The following EYS variants were observed in gnomAD, a reference collection of about 807,000 sequenced individuals.
The protein encoded by EYS is EGF-like photoreceptor maintenance factor.
EYS carries 250 observed loss-of-function variants against 282.1 expected under a neutral mutation model. The observed-to-expected ratio is 0.89, with a 90% CI of 0.80 to 0.98. The LOEUF is 0.98. Among genes scored for constraint, EYS ranks in the 50% least tolerant of loss-of-function variants. EYS has a pLI of 0.00. For missense variants in EYS, 4,016 were observed against 3,709.0 expected (o/e 1.08, Z -2.15); for synonymous variants, 1,355 against 1,282.9 (o/e 1.06, Z -1.20).
chr6:64,194,093 C>T (rs1002767378), intron 31 of EYS, among the ~76,000 whole-genome samples: 6 of 151,984 alleles, frequency 3.9e-5, no homozygotes, highest in African/African-American at 7.3e-5. Flanking sequence ...AGGATAGTCT[C>T]GACCTTCTGA....
chr6:64,998,593 A>G (rs2150126328), intron 13 of EYS, among the ~76,000 whole-genome samples: 1 of 152,330 alleles, frequency 6.6e-6, no homozygotes, highest in South Asian at 2.1e-4. Flanking sequence ...AACAAGAGAC[A>G]AGTGAAATAC....
intron 12 of EYS, among the ~76,000 whole-genome samples, chr6:65,237,417 G>A (rs1307348870): frequency 6.6e-6 from 1 of 152,126 alleles, no homozygotes; most frequent in East Asian, 1.9e-4. Flanking sequence ...ATAACTGAAT[G>A]CAGATTTCCA....
At chr6:63,867,350 C>A (rs1581912314) in intron 35 of EYS, among the ~76,000 whole-genome samples, 1 of 152,226 alleles carries the variant, frequency 6.6e-6, no homozygotes, top group South Asian at 2.1e-4. Flanking sequence ...TTATCCTTCA[C>A]AAGACCTGTA....
intron 7 of EYS, among the ~76,000 whole-genome samples, chr6:65,397,455 A>C (rs1294808066): frequency 1.3e-5 from 2 of 152,014 alleles, no homozygotes; most frequent in African/African-American, 4.8e-5. Flanking sequence ...TTCCACTTAT[A>C]AGTGAAAAGA....
At chr6:65,597,050 T>C (rs576577467) in intron 2 of EYS, among the ~76,000 whole-genome samples, 5 of 152,218 alleles carry the variant, frequency 3.3e-5, no homozygotes, top group African/African-American at 1.2e-4. Context: ...AACATACTAA[T>C]GCATATGAAC....
At chr6:64,809,116 G>T (rs952718690) in intron 22 of EYS, among the ~76,000 whole-genome samples, 3 of 151,976 alleles carry the variant, frequency 2.0e-5, no homozygotes, top group African/African-American at 7.2e-5. Flanking sequence ...CAATAAACAA[G>T]AGTCTGGCAA....
intron 13 of EYS, among the ~76,000 whole-genome samples, chr6:65,047,222 C>T (rs1773131835): frequency 6.6e-6 from 1 of 151,656 alleles, no homozygotes; most frequent in Non-Finnish European, 1.5e-5. Flanking sequence ...TATAACCATA[C>T]CTCCAAATTC....
chr6:65,469,645 G>T (rs1181898860), intron 5 of EYS, among the ~76,000 whole-genome samples: 1 of 151,406 alleles, frequency 6.6e-6, no homozygotes, highest in Non-Finnish European at 1.5e-5. Context: ...TTATTTTCTT[G>T]AAAATTTGTA....
At chr6:64,336,835 T>C (rs1468219229) in intron 29 of EYS, among the ~76,000 whole-genome samples, 2 of 151,944 alleles carry the variant, frequency 1.3e-5, no homozygotes, top group Non-Finnish European at 2.9e-5. Flanking sequence ...TTTGAAACTA[T>C]GCAAATACAT....
rs372525428 is a variant in EYS, at chr6:64,546,151, AT to A, written c.5644+44071del. Among the ~76,000 whole-genome samples the A allele has an allele frequency of 2.5e-4, 38 of 152,348 alleles. No individual in the cohort carries two copies. The East Asian group carries it at 5.8e-3, about 23-fold the overall frequency. ...ACAAGGGTACAGTAACCAAAACAGC[AT>A]GGTACTGGTACCAAAACAGAGATAT... On this transcript the variant is annotated intron_variant, in intron 26 of 42. Transcript: ENST00000503581.
intron 1 of EYS, among the ~76,000 whole-genome samples, chr6:65,641,572 C>T (rs993783530): frequency 1.3e-5 from 2 of 152,164 alleles, no homozygotes; most frequent in African/African-American, 2.4e-5. Context: ...AGTTTTAGTG[C>T]TATAATAAAT....
At chr6:65,666,570 T>C (rs1377223157) in intron 1 of EYS, among the ~76,000 whole-genome samples, 1 of 151,872 alleles carries the variant, frequency 6.6e-6, no homozygotes, top group Non-Finnish European at 1.5e-5. Flanking sequence ...TACTAAATAG[T>C]AAGCTGTGGT....
intron 19 of EYS, among the ~76,000 whole-genome samples, chr6:64,865,316 A>C (rs779880128): frequency 2.0e-5 from 3 of 152,150 alleles, no homozygotes; most frequent in Non-Finnish European, 4.4e-5. Context: ...AGATCATATA[A>C]TAGATATTAA....
chr6:64,274,619 C>T (rs984802944), intron 30 of EYS, among the ~76,000 whole-genome samples: 3 of 148,928 alleles, frequency 2.0e-5, no homozygotes, highest in African/African-American at 4.9e-5. Context: ...TTCTTTTCTT[C>T]AGTCAGATGT....
chr6:64,448,369 T>C (rs1415317825), intron 26 of EYS, among the ~76,000 whole-genome samples: 1 of 152,214 alleles, frequency 6.6e-6, no homozygotes, highest in East Asian at 1.9e-4. Flanking sequence ...AAGCTGGAAA[T>C]GGGTGGAGCC....
At chr6:64,972,060 T>C (rs1770313875) in intron 14 of EYS, among the ~76,000 whole-genome samples, 1 of 152,036 alleles carries the variant, frequency 6.6e-6, no homozygotes, top group South Asian at 2.1e-4. Context: ...GCAATGTATC[T>C]TGGAGAAATT....
At chr6:64,019,549 T>C (rs1769074954) in intron 33 of EYS, among the ~76,000 whole-genome samples, 1 of 151,970 alleles carries the variant, frequency 6.6e-6, no homozygotes, top group African/African-American at 2.4e-5. Context: ...TAGCTGGGAC[T>C]ACAGGCACAG....
intron 2 of EYS, among the ~76,000 whole-genome samples, chr6:65,524,197 C>T (rs1033434507): frequency 1.3e-5 from 2 of 151,898 alleles, no homozygotes; most frequent in Non-Finnish European, 2.9e-5. Flanking sequence ...CTATAGCAGT[C>T]AGAATTAATC....
chr6:64,695,066 G>C (rs1036725790), intron 22 of EYS, among the ~76,000 whole-genome samples: 3 of 151,882 alleles, frequency 2.0e-5, no homozygotes, highest in Non-Finnish European at 4.4e-5. Flanking sequence ...TATTCTAGGG[G>C]CCTGAGAACT....
Sources: gnomAD v4.1 joint callset for allele counts (sites outside exome capture counted in the v4.1 genomes callset) on GRCh38, gnomAD v4.1.1 for gene constraint, MANE v1.5 for transcripts, NCBI Gene and HGNC (gene_info 2026-07-23, HGNC 2026-07-21) for gene names.